TUSC3: variants seen among roughly 807,000 people sequenced by gnomAD.
TUSC3 encodes dolichyl-diphosphooligosaccharide--protein glycosyltransferase subunit TUSC3.
In TUSC3, 45 loss-of-function variants were observed where a neutral mutation model predicts 44.8. The ratio of observed to expected loss-of-function variants is 1.00; its 90% CI spans 0.79 to 1.29. The LOEUF (loss-of-function observed/expected upper bound fraction) is 1.29, where lower values mean the gene tolerates loss of function less well. Ranked by LOEUF, TUSC3 falls within the 50% of genes most tolerant of loss-of-function variation. The probability of loss-of-function intolerance (pLI) is 0.00; values close to 1 mark genes in which losing one functional copy is unlikely to be tolerated. For missense variants in TUSC3, 519 were observed against 437.9 expected (o/e 1.19, Z -1.65); for synonymous variants, 212 against 152.9 (o/e 1.39, Z -2.85).
chr8:15,436,418 A>G (rs28427403), intron 1 of TUSC3, among the ~76,000 whole-genome samples: 24,687 of 152,216 alleles, frequency 0.16, 2,078 homozygotes, highest in Middle Eastern at 0.22. Flanking sequence ...TTCGACCAAC[A>G]GTGAGGATCT....
At chr8:15,732,152 A>C (rs1415475184) in intron 7 of TUSC3, among the ~76,000 whole-genome samples, 14 of 152,158 alleles carry the variant, frequency 9.2e-5, no homozygotes, top group Non-Finnish European at 1.8e-4. Flanking sequence ...GTGGCCACAG[A>C]TAATAAGCAT....
chr8:15,690,153 C>G (rs1808835888), intron 6 of TUSC3, among the ~76,000 whole-genome samples: 1 of 152,140 alleles, frequency 6.6e-6, no homozygotes, highest in Non-Finnish European at 1.5e-5. Flanking sequence ...AAACTTTCTT[C>G]TCTTCCACAA....
At chr8:15,609,592 T>A (rs975804708) in intron 1 of TUSC3, among the ~76,000 whole-genome samples, 5 of 152,140 alleles carry the variant, frequency 3.3e-5, no homozygotes, top group Non-Finnish European at 7.4e-5. Flanking sequence ...GGGAAGCTCA[T>A]TTGACCCATT....
chr8:15,573,227 T>TATAC (rs1337181264), intron 1 of TUSC3, among the ~76,000 whole-genome samples: 1 of 128,740 alleles, frequency 7.8e-6, no homozygotes, highest in African/African-American at 3.0e-5. Flanking sequence ...TATATATATA[T>TATAC]ATAAAAGTTT....
At chr8:15,692,375 GTT>G (rs59838929) in intron 6 of TUSC3, among the ~76,000 whole-genome samples, 15,444 of 68,712 alleles carry the variant, frequency 0.22, 1,176 homozygotes, top group Middle Eastern at 0.33. Context: ...CCCCCCCTTT[GTT>G]TTTTTTTTTT....
intron 6 of TUSC3, among the ~76,000 whole-genome samples, chr8:15,692,384 T>TTG (rs1808953594): frequency 7.1e-6 from 1 of 141,096 alleles, no homozygotes; most frequent in African/African-American, 2.6e-5. Flanking sequence ...TGTTTTTTTT[T>TTG]TTTTTTTTTT....
the TUSC3 span, among the ~76,000 whole-genome samples, chr8:15,817,779 C>A: frequency 2.6e-5 from 4 of 152,122 alleles, no homozygotes; most frequent in African/African-American, 9.7e-5. Flanking sequence ...AGCAGTGTGA[C>A]AGCAGACTAA....
intron 6 of TUSC3, among the ~76,000 whole-genome samples, chr8:15,709,194 G>A (rs1399964381): frequency 6.6e-6 from 1 of 151,834 alleles, no homozygotes. Flanking sequence ...GGAAGATCAG[G>A]TAGGTAAATT....
chr8:15,644,916 T>C (rs1045368045), intron 2 of TUSC3, among the ~76,000 whole-genome samples: 2 of 152,172 alleles, frequency 1.3e-5, no homozygotes, highest in African/African-American at 2.4e-5. Context: ...CTTTAGCTTC[T>C]GTGGAATTCT....
intron 1 of TUSC3, among the ~76,000 whole-genome samples, chr8:15,585,729 T>C (rs991927494): frequency 1.3e-5 from 2 of 152,234 alleles, no homozygotes; most frequent in Non-Finnish European, 2.9e-5. Flanking sequence ...CTGTGTAGCC[T>C]TTTTTACCTG....
chr8:15,434,321 C>G (rs1207396354), intron 1 of TUSC3, among the ~76,000 whole-genome samples: 1 of 152,066 alleles, frequency 6.6e-6, no homozygotes, highest in East Asian at 1.9e-4. Context: ...AGTAAAACTT[C>G]TTTAAGTAGT....
intron 7 of TUSC3, among the ~76,000 whole-genome samples, chr8:15,735,801 G>T (rs1341147983): frequency 6.6e-6 from 1 of 152,082 alleles, no homozygotes; most frequent in African/African-American, 2.4e-5. Flanking sequence ...CCGGGTTCAC[G>T]CCATTCTCCT....
At chr8:15,820,373 G>A in the TUSC3 span, among the ~76,000 whole-genome samples, 19,915 of 147,032 alleles carry the variant, frequency 0.14, 1,426 homozygotes, top group East Asian at 0.26. Context: ...GTGCAGTGGC[G>A]CGATCTTGGC....
At chr8:15,738,683 C>T (rs1032152237) in intron 7 of TUSC3, among the ~76,000 whole-genome samples, 3 of 152,160 alleles carry the variant, frequency 2.0e-5, no homozygotes, top group East Asian at 1.9e-4. Flanking sequence ...TGAACAGTTA[C>T]TGTTTTTATC....
intron 3 of TUSC3, among the ~76,000 whole-genome samples, chr8:15,655,282 C>T (rs982957250): frequency 3.3e-5 from 5 of 152,152 alleles, no homozygotes; most frequent in African/African-American, 1.2e-4. Context: ...CTCAAGCATG[C>T]GCACCAAGAG....
At chr8:15,475,921 C>G (rs1377410680) in intron 1 of TUSC3, among the ~76,000 whole-genome samples, 2 of 152,118 alleles carry the variant, frequency 1.3e-5, no homozygotes, top group South Asian at 2.1e-4. Context: ...ACAAGAATAA[C>G]TCAGTATGAT....
downstream of TUSC3, among the ~76,000 whole-genome samples, chr8:15,769,013 T>C (rs140230596): frequency 4.5e-3 from 686 of 152,270 alleles, 5 homozygotes; most frequent in Non-Finnish European, 6.2e-3. Flanking sequence ...AAGTAACTTA[T>C]AGATTAAATG....
intron 1 of TUSC3, among the ~76,000 whole-genome samples, chr8:15,421,707 A>C (rs939434265): frequency 6.6e-6 from 1 of 152,144 alleles, no homozygotes. Context: ...AAAGGTGCCT[A>C]TTCATGCATG....
chr8:15,464,551 T>C (rs1262768800), intron 1 of TUSC3, among the ~76,000 whole-genome samples: 1 of 152,216 alleles, frequency 6.6e-6, no homozygotes, highest in Non-Finnish European at 1.5e-5. Flanking sequence ...TAAAATAAAG[T>C]TATTCAATAT....
Sources: gnomAD v4.1 joint callset for allele counts (sites outside exome capture counted in the v4.1 genomes callset) on GRCh38, gnomAD v4.1.1 for gene constraint, MANE v1.5 for transcripts, NCBI Gene and HGNC (gene_info 2026-07-23, HGNC 2026-07-21) for gene names.